The following SPTLC2 variants were observed in gnomAD, a reference collection of about 807,000 sequenced individuals.
SPTLC2 encodes the protein serine palmitoyltransferase 2.
In SPTLC2, 21 loss-of-function variants were observed where a neutral mutation model predicts 62.0. The observed-to-expected ratio is 0.34, with a 90% CI of 0.24 to 0.49. The LOEUF is 0.49. Ranked by LOEUF, SPTLC2 falls within the 20% of genes least tolerant of loss-of-function variation. The probability of loss-of-function intolerance (pLI) is 0.99; values close to 1 mark genes in which losing one functional copy is unlikely to be tolerated. For missense variants in SPTLC2, 511 were observed against 713.0 expected (o/e 0.72, Z 3.23); for synonymous variants, 261 against 261.8 (o/e 1.00, Z 0.03).
rs1337188108 is a variant in SPTLC2 at position 77,508,007 on chromosome 14, C to T, written c.*4277G>A. Reference sequence around the variant, plus strand: ...AAGTAGCTGGGATTGCAGGCTGCATCCGCACCCAGCTCCTAACAATTTTTT... The same window carrying T: ...AAGTAGCTGGGATTGCAGGCTGCATTCGCACCCAGCTCCTAACAATTTTTT... On this transcript the variant is annotated 3_prime_UTR_variant, in exon 12 of 12. Coordinates refer to ENST00000216484, the MANE Select transcript of SPTLC2 (RefSeq NM_004863.4). The T allele has an allele frequency of 6.6e-6, 1 of 152,274 alleles. No homozygotes were observed. Among genetic ancestry groups the T allele is most frequent in the Non-Finnish European group, 1.5e-5 (1 of 68,110 alleles). The allele number at this position is 152,274 out of a possible 1,614,324, so 9.4% of individuals were successfully genotyped here.
chr14:77,542,066 A>G (rs2079503720), intron 9 of SPTLC2, among the ~76,000 whole-genome samples: 1 of 151,572 alleles, frequency 6.6e-6, no homozygotes, highest in South Asian at 2.1e-4. Context: ...GTGTCCGGAA[A>G]AAAAAAAAAA....
intron 9 of SPTLC2, among the ~76,000 whole-genome samples, chr14:77,549,371 G>T (rs1314004863): frequency 6.6e-6 from 1 of 152,116 alleles, no homozygotes; most frequent in Non-Finnish European, 1.5e-5. Flanking sequence ...TTTCCGCCAG[G>T]TTCTTTGGAA....
chr14:77,530,914 A>G (rs975025280), intron 9 of SPTLC2, among the ~76,000 whole-genome samples: 8 of 152,208 alleles, frequency 5.3e-5, no homozygotes, highest in African/African-American at 1.7e-4. Context: ...TGCATTACAA[A>G]TAATCAACAA....
chr14:77,578,832 T>A, intron 3 of SPTLC2, 123 bp downstream of exon 3: 2 of 977,294 alleles, frequency 2.0e-6, no homozygotes, highest in Non-Finnish European at 3.2e-6. Flanking sequence ...AGGAAACCAA[T>A]CATATTGTAT....
chr14:77,540,497 C>T (rs371778721), intron 9 of SPTLC2, among the ~76,000 whole-genome samples: 96 of 152,134 alleles, frequency 6.3e-4, no homozygotes, highest in African/African-American at 1.9e-3. Context: ...TTTTTTGAGA[C>T]GGAGTCTTGC....
At chr14:77,531,493 T>TCCC (rs2079440072) in intron 9 of SPTLC2, among the ~76,000 whole-genome samples, 2 of 69,288 alleles carry the variant, frequency 2.9e-5, no homozygotes, top group Non-Finnish European at 5.3e-5. Flanking sequence ...CTCCTCCTCC[T>TCCC]CCTCCTCCTC....
chr14:77,604,554 G>A (rs983582564), intron 1 of SPTLC2, among the ~76,000 whole-genome samples: 1 of 151,966 alleles, frequency 6.6e-6, no homozygotes, highest in Non-Finnish European at 1.5e-5. Flanking sequence ...TAAACTTTAA[G>A]GGCTTCAAGA....
chr14:77,547,293 C>T (rs960557911), intron 9 of SPTLC2, among the ~76,000 whole-genome samples: 15 of 152,088 alleles, frequency 9.9e-5, no homozygotes, highest in Admixed American at 5.2e-4. Context: ...AAGAACAAAA[C>T]TGTGCTTACC....
At chr14:77,548,371 A>G (rs989773949) in intron 9 of SPTLC2, among the ~76,000 whole-genome samples, 28 of 152,230 alleles carry the variant, frequency 1.8e-4, no homozygotes, top group African/African-American at 6.8e-4. Context: ...TATTAACTAC[A>G]CCTTTGGACA....
intron 9 of SPTLC2, among the ~76,000 whole-genome samples, chr14:77,523,564 A>G (rs1041300300): frequency 1.3e-5 from 2 of 152,206 alleles, no homozygotes; most frequent in African/African-American, 4.8e-5. Context: ...TACGCATGAA[A>G]AGAAACTAGC....
chr14:77,601,735 T>C (rs1404100695), intron 1 of SPTLC2, among the ~76,000 whole-genome samples: 1 of 152,232 alleles, frequency 6.6e-6, no homozygotes, highest in Non-Finnish European at 1.5e-5. Context: ...GGCCTCTTTT[T>C]ACTCTTTTCT....
intron 9 of SPTLC2, among the ~76,000 whole-genome samples, chr14:77,546,024 T>A (rs1409356554): frequency 6.6e-6 from 1 of 152,192 alleles, no homozygotes; most frequent in Non-Finnish European, 1.5e-5. Context: ...CCAAAAGAGC[T>A]TTCATTTGTT....
intron 9 of SPTLC2, among the ~76,000 whole-genome samples, chr14:77,545,632 T>C (rs1465603523): frequency 6.6e-6 from 1 of 152,188 alleles, no homozygotes; most frequent in Admixed American, 6.5e-5. Context: ...ACATATTAAG[T>C]ATCTGCTATA....
intron 1 of SPTLC2, among the ~76,000 whole-genome samples, chr14:77,601,611 C>T (rs1000664143): frequency 1.3e-5 from 2 of 152,150 alleles, no homozygotes; most frequent in African/African-American, 2.4e-5. Flanking sequence ...GGGACTCCTT[C>T]GGGAGACCAG....
intron 9 of SPTLC2, among the ~76,000 whole-genome samples, chr14:77,548,082 C>G (rs979816132): frequency 2.6e-5 from 4 of 151,966 alleles, no homozygotes; most frequent in African/African-American, 7.2e-5. Context: ...CTGCAAGGAC[C>G]CAGTTCCTTT....
chr14:77,538,992 T>TG (rs2079485205), intron 9 of SPTLC2, among the ~76,000 whole-genome samples: 1 of 151,798 alleles, frequency 6.6e-6, no homozygotes, highest in Non-Finnish European at 1.5e-5. Context: ...ATCTGCAAAA[T>TG]GGGAATGGCA....
chr14:77,556,630 C>T lies in SPTLC2; in HGVS notation c.956+411G>A, dbSNP rs139386314. Among the ~76,000 whole-genome samples the T allele has an allele frequency of 6.8e-3, 1,031 of 152,170 alleles. 8 individuals carry two copies. Among genetic ancestry groups the T allele is most frequent in the African/African-American group, 0.024 (1,001 of 41,526 alleles). Reference sequence around the variant, plus strand: ...CTGGTCTCAAATTCCTGGCCTCGAGCGACCTCCCACTTTTGCCTCCCAAAG... The same window carrying T: ...CTGGTCTCAAATTCCTGGCCTCGAGTGACCTCCCACTTTTGCCTCCCAAAG... On this transcript the variant is annotated intron_variant, in intron 7 of 11. Coordinates refer to ENST00000216484, the MANE Select transcript of SPTLC2 (RefSeq NM_004863.4).
intron 11 of SPTLC2, among the ~76,000 whole-genome samples, chr14:77,516,714 CTG>C (rs1041215428): frequency 7.9e-5 from 12 of 152,170 alleles, no homozygotes; most frequent in African/African-American, 2.7e-4. Flanking sequence ...GCTCACAACA[CTG>C]TGCCTATAGT....
At chr14:77,572,156 A>G (rs2079687632) in intron 4 of SPTLC2, among the ~76,000 whole-genome samples, 2 of 152,222 alleles carry the variant, frequency 1.3e-5, no homozygotes, top group African/African-American at 4.8e-5. Context: ...CCACTGCACA[A>G]TGCTCCTTTA....
Sources: gnomAD v4.1 joint callset for allele counts (sites outside exome capture counted in the v4.1 genomes callset) on GRCh38, gnomAD v4.1.1 for gene constraint, MANE v1.5 for transcripts, NCBI Gene and HGNC (gene_info 2026-07-23, HGNC 2026-07-21) for gene names.